Variants in LDB3 observed in about 807,000 individuals in gnomAD.
LDB3 encodes the protein LIM domain binding 3, also known as LIM domain-binding protein 3.
A neutral mutation model predicts 69.0 loss-of-function variants in LDB3; 49 were observed. That is an observed-to-expected ratio of 0.71 (90% CI 0.56 to 0.90). LDB3 has a LOEUF of 0.90. LDB3 is among the 40% of genes least tolerant of loss of function. The pLI, the probability that LDB3 is intolerant of heterozygous loss-of-function variation, is 0.00. For synonymous variants in LDB3, 387 were observed against 396.2 expected, an observed-to-expected ratio of 0.98 and a Z score of 0.28; for missense variants, 928 against 974.1, an observed-to-expected ratio of 0.95 and a Z score of 0.63.
chr10:86,724,401 G>A lies in LDB3; in HGVS notation c.1979-1736G>A, dbSNP rs1043894717. Among the ~76,000 whole-genome samples, 5 of 151,670 alleles carry A rather than the reference G, an allele frequency of 3.3e-5. No individual in the cohort carries two copies. The East Asian group carries it at 5.8e-4, about 18-fold the overall frequency. ...AGGTGGATCACAGGGTCAAGAGATC[G>A]AGACCATCCTGGCCAACATGGTGAA... On this transcript the variant is annotated intron_variant, in intron 12 of 13. Coordinates refer to ENST00000361373, the MANE Select transcript of LDB3 (RefSeq NM_007078.3).
At chr10:86,719,651 T>A (rs1412400851) in intron 12 of LDB3, among the ~76,000 whole-genome samples, 2 of 152,150 alleles carry the variant, frequency 1.3e-5, no homozygotes, top group African/African-American at 4.8e-5. Flanking sequence ...AGAGAAGGCG[T>A]GTAGAGCATC....
At chr10:86,725,573 C>T (rs1314555925) in intron 12 of LDB3, among the ~76,000 whole-genome samples, 2 of 152,114 alleles carry the variant, frequency 1.3e-5, no homozygotes, top group Non-Finnish European at 2.9e-5. Flanking sequence ...AATTGCAAAG[C>T]ATCATATCAA....
intron 5 of LDB3, chr10:86,686,918 G>A (rs1354277820): frequency 1.1e-5 from 8 of 742,632 alleles, no homozygotes; most frequent in Non-Finnish European, 1.9e-5. Flanking sequence ...CTGGAGACTT[G>A]TGTAGCCTAT....
chr10:86,680,913 G>T (rs780245536), intron 4 of LDB3, among the ~76,000 whole-genome samples: 8 of 152,250 alleles, frequency 5.3e-5, no homozygotes, highest in Non-Finnish European at 7.3e-5. Context: ...GACTGGGGAA[G>T]TGGGTGGAGG....
chr10:86,688,726 T>G (rs1845619965), intron 5 of LDB3, among the ~76,000 whole-genome samples: 1 of 152,190 alleles, frequency 6.6e-6, no homozygotes, highest in African/African-American at 2.4e-5. Flanking sequence ...GTCACGTGTG[T>G]CCTTGGTGTG....
At chr10:86,669,296 C>A (rs1176163326) in intron 2 of LDB3, among the ~76,000 whole-genome samples, 1 of 145,286 alleles carries the variant, frequency 6.9e-6, no homozygotes, top group Non-Finnish European at 1.5e-5. Context: ...TACTGGGCAC[C>A]TGCTCCATCC....
At chr10:86,700,290 C>G (rs1302587657) in intron 7 of LDB3, among the ~76,000 whole-genome samples, 1 of 152,174 alleles carries the variant, frequency 6.6e-6, no homozygotes, top group Non-Finnish European at 1.5e-5. Flanking sequence ...ATTGGGCAAC[C>G]TTAGTCACCC....
intron 9 of LDB3, among the ~76,000 whole-genome samples, chr10:86,715,845 C>G (rs1846846610): frequency 6.6e-6 from 1 of 152,226 alleles, no homozygotes; most frequent in African/African-American, 2.4e-5. Flanking sequence ...ACCAGGTCAC[C>G]TGTTTTGTCC....
intron 9 of LDB3, among the ~76,000 whole-genome samples, chr10:86,712,330 G>A (rs1846700611): frequency 6.6e-6 from 1 of 152,222 alleles, no homozygotes; most frequent in Admixed American, 6.5e-5. Context: ...TCCGATGGAG[G>A]GAAGCGACTG....
chr10:86,681,331 G>T, intron 4 of LDB3, 105 bp from the exon 5 acceptor site: 1 of 1,537,868 alleles, frequency 6.5e-7, no homozygotes. Flanking sequence ...CAGGCTGCGG[G>T]GCTCGCGCTA....
intron 5 of LDB3, chr10:86,687,016 G>T: frequency 6.4e-7 from 1 of 1,565,442 alleles, no homozygotes; most frequent in Non-Finnish European, 8.8e-7. Flanking sequence ...ACCGCCACCT[G>T]TTGCCCTTTT....
chr10:86,709,992 T>G lies in LDB3; in HGVS notation c.1173T>G (p.Pro391=). ...GCTACAGTGAGGGCCCCGCCGCCCC[T>G]GCACCCAAGCCCCGGGTTGTCACCA... The part of the protein sequence containing the change: ...HTSYSEGPAA[P]APKPRVVTTA... The change falls in exon 9 of 14, where the codon CCT becomes CCG. Residue 391 remains proline, a synonymous_variant. Coordinates refer to ENST00000361373, the MANE Select transcript of LDB3 (RefSeq NM_007078.3). 3.1e-6 allele frequency: 5 copies of G among 1,613,222 alleles called. No homozygotes were observed. Among genetic ancestry groups the G allele is most frequent in the Non-Finnish European group, 4.2e-6 (5 of 1,180,010 alleles).
chr10:86,678,239 C>T (rs1012824233), intron 2 of LDB3, among the ~76,000 whole-genome samples: 12 of 151,932 alleles, frequency 7.9e-5, no homozygotes, highest in African/African-American at 1.9e-4. Context: ...TTGGTACAGA[C>T]GGGGTTTCAC....
chr10:86,678,560 G>A (rs1180507382), intron 2 of LDB3, among the ~76,000 whole-genome samples: 5 of 151,382 alleles, frequency 3.3e-5, no homozygotes, highest in Non-Finnish European at 5.9e-5. Context: ...GGCTGATCTC[G>A]AACTCCTGAC....
At chr10:86,726,104 G>A (rs1847242770) in intron 12 of LDB3, 33 bp from the exon 13 acceptor site, 2 of 1,521,610 alleles carry the variant, frequency 1.3e-6, no homozygotes, top group African/African-American at 1.4e-5. Flanking sequence ...GCCCCCACTG[G>A]GTGCGGGGTC....
chr10:86,734,938 A>G lies in LDB3; in HGVS notation c.*1962A>G. On this transcript the variant is annotated 3_prime_UTR_variant, in exon 14 of 14. Coordinates refer to ENST00000361373, the MANE Select transcript of LDB3 (RefSeq NM_007078.3). ...GTTGCTGACTGTACTGACAGGCTCT[A>G]AGTCATTTTCTCCAAAAACTATCTA... The G allele has an allele frequency of 6.6e-6, 1 of 151,314 alleles. No individual in the cohort carries two copies. Among genetic ancestry groups the G allele is most frequent in the East Asian group, 2.0e-4 (1 of 5,122 alleles). The allele number at this position is 151,314 out of a possible 1,614,324, so 9.4% of individuals were successfully genotyped here. A position where few individuals can be genotyped will look rare whatever the true frequency, so the allele number is the denominator to read the frequency against.
chr10:86,723,664 C>T (rs973056456), intron 12 of LDB3, among the ~76,000 whole-genome samples: 4 of 152,124 alleles, frequency 2.6e-5, no homozygotes, highest in Non-Finnish European at 5.9e-5. Flanking sequence ...TGAACTGCAA[C>T]CTGGGCGGTA....
intron 7 of LDB3, among the ~76,000 whole-genome samples, chr10:86,702,825 C>A (rs1846313807): frequency 6.6e-6 from 1 of 152,170 alleles, no homozygotes; most frequent in African/African-American, 2.4e-5. Flanking sequence ...GCCTCCTCTG[C>A]CTTCCCTAGC....
intron 7 of LDB3, among the ~76,000 whole-genome samples, chr10:86,702,129 C>G (rs1313252167): frequency 6.6e-6 from 1 of 152,166 alleles, no homozygotes; most frequent in East Asian, 1.9e-4. Flanking sequence ...TCAAGACCAA[C>G]CACCTGACTG....
Sources: allele counts gnomAD v4.1 joint callset (sites outside exome capture counted in the v4.1 genomes callset), GRCh38; gene constraint gnomAD v4.1.1; transcripts MANE v1.5; gene names NCBI Gene and HGNC (gene_info 2026-07-23, HGNC 2026-07-21).